Variants in SEMA4A observed in about 807,000 individuals in gnomAD.
SEMA4A encodes semaphorin 4A, also known as semaphorin-4A.
SEMA4A carries 52 observed loss-of-function variants against 72.5 expected under a neutral mutation model. The ratio of observed to expected loss-of-function variants is 0.72; its 90% CI spans 0.57 to 0.90. The LOEUF is 0.90. Among genes scored for constraint, SEMA4A ranks in the 40% least tolerant of loss-of-function variants. The pLI, the probability that SEMA4A is intolerant of heterozygous loss-of-function variation, is 0.00. For missense variants in SEMA4A, 926 were observed against 959.7 expected, an observed-to-expected ratio of 0.96 and a Z score of 0.46; for synonymous variants, 369 against 393.1, an observed-to-expected ratio of 0.94 and a Z score of 0.73.
rs754201054 is a variant in SEMA4A at position 156,160,417 on chromosome 1, C to A, written c.569-26C>A. ...AGAGGAACCCTCCACCCCATCAGTT[C>A]TCTCTTCTCCTCTCCTCCACCCTAG... On this transcript the variant is annotated intron_variant, in intron 6 of 14. Transcript: ENST00000368285. 12 of 1,566,498 alleles carry A rather than the reference C, an allele frequency of 7.7e-6. No homozygotes were observed. In the South Asian group the frequency reaches 1.3e-4, roughly 17 times the overall value.
In SEMA4A at chr1:156,158,841, C is replaced by A; in HGVS notation, c.568+17C>A. 1.3e-6 allele frequency: 2 copies of A among 1,565,626 alleles called. No homozygotes were observed. Among genetic ancestry groups the A allele is most frequent in the Non-Finnish European group, 1.8e-6 (2 of 1,136,216 alleles). The stretch of plus-strand genomic sequence containing the variant: ...TCTTGGTGGGTGAGTATCAGGTTTC[C>A]CACTTCATCCCAACATCTACTTTCT... On this transcript the variant is annotated intron_variant, in intron 6 of 14. Transcript: ENST00000368285.
At position 156,158,814 on chromosome 1, in the gene SEMA4A, T is replaced by C. The variant is rs909451555; in HGVS notation, c.558T>C (p.Ala186=). 39 of 1,613,484 alleles carry C rather than the reference T, an allele frequency of 2.4e-5. No homozygotes were observed. The highest frequency in any genetic ancestry group is 3.1e-5 in the Non-Finnish European group (36 of 1,179,560). Residue 186 remains alanine (A), a synonymous_variant, in exon 6 of 15, where the codon GCT becomes GCC. Transcript: ENST00000368285. The stretch of plus-strand genomic sequence containing the variant: ...TTGACCCCGCTCACAAGCATACGGC[T>C]GTCTTGGTGGGTGAGTATCAGGTTT... ...SPFDPAHKHT[A]VLVDGMLYSG...
At chr1:156,152,058 T>A (rs1038519679), upstream of SEMA4A, among the ~76,000 whole-genome samples, 2 of 151,140 alleles carry the variant, frequency 1.3e-5, no homozygotes, top group Non-Finnish European at 2.9e-5. Context: ...CTCTGTAGAG[T>A]CTTTGTAGCT....
intron 10 of SEMA4A, among the ~76,000 whole-genome samples, chr1:156,168,147 C>T (rs1378943575): frequency 1.3e-5 from 2 of 152,136 alleles, no homozygotes; most frequent in South Asian, 2.1e-4. Flanking sequence ...TGATCTTGAA[C>T]TCCTGACCTC....
At position 156,165,909 on chromosome 1, in the gene SEMA4A, T is replaced by TTTTC. The variant is rs1654110416; in HGVS notation, c.1134+2818_1134+2819insCTTT. 2.1e-5 allele frequency among the ~76,000 whole-genome samples: 3 copies of TTTTC among 144,006 alleles called. 1 individual carries two copies. The highest frequency in any genetic ancestry group is 6.9e-5 in the Admixed American group (1 of 14,426). 94.5% of individuals were successfully genotyped at this position (144,006 alleles called of 152,430 possible). A position where few individuals can be genotyped will look rare whatever the true frequency, so the allele number is the denominator to read the frequency against. Reference sequence around the variant, plus strand: ...CTTGAACTATATCTTCCTATCTTCTTTTTTTTTTTTTTTTTGAGATGGAGT... The same window carrying TTTTC: ...CTTGAACTATATCTTCCTATCTTCTTTTTCTTTTTTTTTTTTTTTGAGATGGAGT... On this transcript the variant is annotated intron_variant, in intron 10 of 14. Transcript: ENST00000368285.
At chr1:156,155,739 G>C (rs1445293985) in intron 2 of SEMA4A, 2 of 166,702 alleles carry the variant, frequency 1.2e-5, no homozygotes, top group Non-Finnish European at 1.3e-5. Context: ...GAGAGGATCT[G>C]AGGAGCTCCT....
At chr1:156,166,351 T>G (rs1249920227) in intron 10 of SEMA4A, among the ~76,000 whole-genome samples, 1 of 152,188 alleles carries the variant, frequency 6.6e-6, no homozygotes, top group Non-Finnish European at 1.5e-5. Context: ...CCCTATCTTC[T>G]TTTCATTCAA....
intron 6 of SEMA4A, 153 bp downstream of exon 6, chr1:156,158,977 G>T: frequency 1.5e-6 from 1 of 653,964 alleles, no homozygotes; most frequent in South Asian, 1.5e-5. Context: ...GAAGTTGAAG[G>T]ATGCTTGAGT....
chr1:156,175,787 T>G lies in SEMA4A; in HGVS notation c.1693+131T>G, dbSNP rs1433334243. The G allele has an allele frequency of 4.2e-6, 3 of 722,122 alleles. No homozygotes were observed. In the African/African-American group the frequency reaches 5.3e-5, roughly 13 times the overall value. The allele number at this position is 722,122 out of a possible 1,614,324, so 44.7% of individuals were successfully genotyped here. A position where few individuals can be genotyped will look rare whatever the true frequency, so the allele number is the denominator to read the frequency against. On this transcript the variant is annotated intron_variant, in intron 14 of 14. Transcript: ENST00000368285. ...TGAGATCTGAACACCCGAGTTGGGA[T>G]GGATTTGGGTCCTGGCTATAGGGAA...
chr1:156,149,781 G>A (rs1652387636), upstream of SEMA4A: 1 of 152,266 alleles, frequency 6.6e-6, no homozygotes, highest in Non-Finnish European at 1.5e-5. Flanking sequence ...GGGCAAGGGA[G>A]CTGAGCAGGG....
intron 3 of SEMA4A, 134 bp downstream of exon 3, chr1:156,156,708 C>T (rs1273551501): frequency 1.6e-5 from 13 of 807,428 alleles, no homozygotes; most frequent in Middle Eastern, 3.7e-4. Flanking sequence ...ATATGTATAT[C>T]GTGACAATAT....
rs1298931227 is a variant in SEMA4A, at chr1:156,175,602, T to C, written c.1639T>C (p.Cys547Arg). Reference sequence around the variant, plus strand: ...GGAGCGGGGGAACCCAGAGTGGGCATGTGCCAGTGGCCCCATGAGCAGGAG... The same window carrying C: ...GGAGCGGGGGAACCCAGAGTGGGCACGTGCCAGTGGCCCCATGAGCAGGAG... ...DMERGNPEWA[C>R]ASGPMSRSLR... Residue 547 changes from cysteine (C) to arginine (R), a missense_variant, in exon 14 of 15, where the codon TGT becomes CGT. Transcript: ENST00000368285. The C allele has an allele frequency of 6.2e-7, 1 of 1,613,608 alleles. No individual in the cohort carries two copies. Among genetic ancestry groups the C allele is most frequent in the Non-Finnish European group, 8.5e-7 (1 of 1,179,836 alleles).
chr1:156,156,499 T>C lies in SEMA4A; in HGVS notation c.225T>C (p.Thr75=), dbSNP rs570859927. The change falls in exon 3 of 15, where the codon ACT becomes ACC. Residue 75 remains threonine, a synonymous_variant. Coordinates refer to ENST00000368285, the MANE Select transcript of SEMA4A (RefSeq NM_022367.4). The part of the protein sequence containing the change: ...DTLLLSGDGN[T]LYVGAREAIL... The stretch of plus-strand genomic sequence containing the variant: ...TGCTCCTGAGTGGTGATGGAAATAC[T>C]CTCTACGTGGGGGCTCGAGAAGCCA... 6.2e-7 allele frequency: 1 copy of C among 1,614,126 alleles called. No homozygotes were observed. The highest frequency in any genetic ancestry group is 8.5e-7 in the Non-Finnish European group (1 of 1,180,034).
chr1:156,174,489 G>A (rs1214029849), intron 11 of SEMA4A, among the ~76,000 whole-genome samples: 1 of 152,210 alleles, frequency 6.6e-6, no homozygotes, highest in East Asian at 1.9e-4. Context: ...TCACTGAGGT[G>A]CTTGATGGAT....
rs1010886237 is a variant in SEMA4A, at chr1:156,163,109, C to T, written c.1134+15C>T. On this transcript the variant is annotated intron_variant, in intron 10 of 14. Coordinates refer to ENST00000368285, the MANE Select transcript of SEMA4A (RefSeq NM_022367.4). ...GGCCAGGCAGTGTGAGTACTACCCC[C>T]CACACTGAGCACAGTCTACACATAC... 52 of 1,607,064 alleles carry T rather than the reference C, an allele frequency of 3.2e-5. No individual in the cohort carries two copies. The highest frequency in any genetic ancestry group is 4.3e-5 in the Non-Finnish European group (50 of 1,175,926).
upstream of SEMA4A, among the ~76,000 whole-genome samples, chr1:156,153,148 T>C (rs1193958831): frequency 6.6e-6 from 1 of 152,176 alleles, no homozygotes; most frequent in Non-Finnish European, 1.5e-5. Context: ...AGCAAAATCA[T>C]GGATAAGAGC....
At chr1:156,173,847 C>T (rs1273302915) in intron 11 of SEMA4A, among the ~76,000 whole-genome samples, 9 of 152,078 alleles carry the variant, frequency 5.9e-5, no homozygotes, top group South Asian at 2.1e-4. Flanking sequence ...CAGTGGCTCA[C>T]GCCTGTAATC....
At chr1:156,164,814 T>C (rs959836489) in intron 10 of SEMA4A, among the ~76,000 whole-genome samples, 38 of 152,086 alleles carry the variant, frequency 2.5e-4, no homozygotes, top group Non-Finnish European at 4.3e-4. Context: ...ATTTTTATTT[T>C]TTTTGAAACA....
chr1:156,165,702 C>CTTAT (rs760161788), intron 10 of SEMA4A, among the ~76,000 whole-genome samples: 1 of 151,534 alleles, frequency 6.6e-6, no homozygotes, highest in Non-Finnish European at 1.5e-5. Flanking sequence ...GCAGGGCTAC[C>CTTAT]TTATAGGCAG....
Sources: allele counts gnomAD v4.1 joint callset (sites outside exome capture counted in the v4.1 genomes callset), GRCh38; gene constraint gnomAD v4.1.1; transcripts MANE v1.5; gene names NCBI Gene and HGNC (gene_info 2026-07-23, HGNC 2026-07-21).